ARL3: variants seen among roughly 807,000 people sequenced by gnomAD.
ARL3 encodes the protein ARF like GTPase 3.
ARL3 carries 9 observed loss-of-function variants against 26.0 expected under a neutral mutation model. The observed-to-expected ratio is 0.35, with a 90% CI of 0.21 to 0.60. The LOEUF (loss-of-function observed/expected upper bound fraction) is 0.60, where lower values mean the gene tolerates loss of function less well. ARL3 is among the 20% of genes least tolerant of loss of function. The pLI, the probability that ARL3 is intolerant of heterozygous loss-of-function variation, is 0.78. For missense variants in ARL3, 158 were observed against 215.7 expected (o/e 0.73, Z 1.67); for synonymous variants, 71 against 78.4 (o/e 0.91, Z 0.50).
intron 3 of ARL3, among the ~76,000 whole-genome samples, chr10:102,693,207 T>C (rs1037897521): frequency 9.2e-5 from 14 of 152,190 alleles, no homozygotes; most frequent in Non-Finnish European, 2.9e-5. Context: ...TGGGTATATA[T>C]CTTGGAGTAC....
At chr10:102,686,751 G>A (rs1404407722) in intron 4 of ARL3, among the ~76,000 whole-genome samples, 6 of 150,890 alleles carry the variant, frequency 4.0e-5, no homozygotes, top group Non-Finnish European at 7.4e-5. Context: ...GGTGTGAGCC[G>A]CCGTGCTCAG....
chr10:102,698,368 C>G (rs1227923450), intron 3 of ARL3, among the ~76,000 whole-genome samples: 1 of 152,122 alleles, frequency 6.6e-6, no homozygotes, highest in Non-Finnish European at 1.5e-5. Flanking sequence ...GCCACCACAC[C>G]TGGTCTAGAT....
At chr10:102,705,935 C>G (rs1404694434) in intron 1 of ARL3, among the ~76,000 whole-genome samples, 3 of 152,072 alleles carry the variant, frequency 2.0e-5, no homozygotes, top group Non-Finnish European at 4.4e-5. Flanking sequence ...CACTAGATAA[C>G]ACTTGTGGAA....
intron 3 of ARL3, among the ~76,000 whole-genome samples, chr10:102,696,371 T>C (rs1158316606): frequency 6.7e-6 from 1 of 150,032 alleles, no homozygotes; most frequent in African/African-American, 2.5e-5. Flanking sequence ...ATTCAAGCAA[T>C]TCTCTGCCTC....
At position 102,676,612 on chromosome 10, in the gene ARL3, A is replaced by G; in HGVS notation, c.*282T>C. ...TGCAATGCAATCTCTTGCTCATTTA[A>G]AAGATCTCATTTTCTAATCATGTGC... is the stretch of plus-strand genomic sequence containing the variant. On this transcript the variant is annotated 3_prime_UTR_variant, in exon 6 of 6. Coordinates refer to ENST00000260746, the MANE Select transcript of ARL3 (RefSeq NM_004311.4). 3.7e-6 allele frequency: 1 copy of G among 269,794 alleles called. No individual in the cohort carries two copies. The highest frequency in any genetic ancestry group is 7.0e-6 in the Non-Finnish European group (1 of 143,522). The allele number at this position is 269,794 out of a possible 1,614,324, so 16.7% of individuals were successfully genotyped here.
intron 1 of ARL3, among the ~76,000 whole-genome samples, chr10:102,709,552 C>T (rs2064327169): frequency 7.1e-6 from 1 of 141,194 alleles, no homozygotes; most frequent in African/African-American, 2.6e-5. Flanking sequence ...GAGGCTGAGA[C>T]AGAAGGATGG....
chr10:102,705,551 AT>A, intron 1 of ARL3, 62 bp from the exon 2 acceptor site: 1 of 1,412,568 alleles, frequency 7.1e-7, no homozygotes, highest in Non-Finnish European at 9.4e-7. Context: ...TTAACTGGAT[AT>A]GAGAATAACT....
chr10:102,680,267 T>C (rs1334822636), intron 5 of ARL3, among the ~76,000 whole-genome samples: 2 of 152,178 alleles, frequency 1.3e-5, no homozygotes, highest in South Asian at 4.1e-4. Flanking sequence ...TAAAAACTGG[T>C]TTGACCAATT....
intron 1 of ARL3, among the ~76,000 whole-genome samples, chr10:102,707,498 C>T (rs2064316062): frequency 6.6e-6 from 1 of 152,056 alleles, no homozygotes; most frequent in South Asian, 2.1e-4. Flanking sequence ...ATTTAATCTC[C>T]CAGCCCAAGA....
intron 5 of ARL3, among the ~76,000 whole-genome samples, chr10:102,680,814 C>G (rs533680687): frequency 6.6e-6 from 1 of 152,118 alleles, no homozygotes; most frequent in African/African-American, 2.4e-5. Context: ...GCAATGCAGC[C>G]TACCTCATTG....
intron 3 of ARL3, 103 bp downstream of exon 3, chr10:102,699,270 G>T: frequency 1.3e-6 from 1 of 787,030 alleles, no homozygotes. Context: ...AGTGATTAAT[G>T]TTATGGTGGT....
chr10:102,693,311 T>C (rs2064229544), intron 3 of ARL3, among the ~76,000 whole-genome samples: 1 of 152,182 alleles, frequency 6.6e-6, no homozygotes, highest in African/African-American at 2.4e-5. Context: ...CCACCAGCAA[T>C]GAAGAGGAGT....
intron 2 of ARL3, among the ~76,000 whole-genome samples, chr10:102,700,408 C>CAA (rs56041064): frequency 1.1e-5 from 1 of 89,478 alleles, no homozygotes; most frequent in Non-Finnish European, 2.0e-5. Flanking sequence ...GATTCCATCT[C>CAA]AAAAAAAAAA....
At position 102,708,908 on chromosome 10, in the gene ARL3, A is replaced by ATATATTTT; in HGVS notation, c.4-3420_4-3419insAAAATATA. Among the ~76,000 whole-genome samples, 24 of 95,320 alleles carry ATATATTTT rather than the reference A, an allele frequency of 2.5e-4. 1 individual carries two copies. Among genetic ancestry groups the ATATATTTT allele is most frequent in the South Asian group, 1.8e-3 (5 of 2,710 alleles). 62.5% of individuals were successfully genotyped at this position (95,320 alleles called of 152,430 possible). A position where few individuals can be genotyped will look rare whatever the true frequency, so the allele number is the denominator to read the frequency against. On this transcript the variant is annotated intron_variant, in intron 1 of 5. Transcript: ENST00000260746. Reference sequence around the variant, plus strand: ...ATATTATATATATATATATATATATATTTTTTTTTTTTTTGAGACAAGGTC... The same window carrying ATATATTTT: ...ATATTATATATATATATATATATATATATATTTTTTTTTTTTTTTTTTGAGACAAGGTC...
At chr10:102,677,195 C>T (rs1222023996) in intron 5 of ARL3, among the ~76,000 whole-genome samples, 2 of 152,164 alleles carry the variant, frequency 1.3e-5, no homozygotes, top group Non-Finnish European at 2.9e-5. Context: ...GAGATGGGTC[C>T]TCAGGAACTC....
At chr10:102,686,696 C>A (rs1395366550) in intron 4 of ARL3, among the ~76,000 whole-genome samples, 2 of 151,438 alleles carry the variant, frequency 1.3e-5, no homozygotes, top group African/African-American at 4.9e-5. Flanking sequence ...AACTCCTGGC[C>A]TCAAGTGATC....
intron 3 of ARL3, among the ~76,000 whole-genome samples, chr10:102,690,335 T>G (rs901060862): frequency 3.1e-4 from 46 of 148,018 alleles, no homozygotes; most frequent in Non-Finnish European, 1.6e-4. Context: ...CTTGCTCTGC[T>G]CTGTCACCCA....
rs2064116437 is a variant in ARL3, at chr10:102,673,829, T to A, written c.*3065A>T. On this transcript the variant is annotated 3_prime_UTR_variant, in exon 6 of 6. Transcript: ENST00000260746. Reference sequence around the variant, plus strand: ...CAAACACCACATCTCTTCCTTTGATTATCATTTTCAAAAGGGATTATAAAA... The same window carrying A: ...CAAACACCACATCTCTTCCTTTGATAATCATTTTCAAAAGGGATTATAAAA... The A allele has an allele frequency of 6.6e-6, 1 of 152,208 alleles. No homozygotes were observed. The allele number at this position is 152,208 out of a possible 1,614,324, so 9.4% of individuals were successfully genotyped here.
At chr10:102,689,329 G>A (rs1244257949) in intron 4 of ARL3, among the ~76,000 whole-genome samples, 1 of 151,874 alleles carries the variant, frequency 6.6e-6, no homozygotes, top group Non-Finnish European at 1.5e-5. Context: ...CCGTTTTGGA[G>A]GGGGGAAAAA....
Sources: allele counts gnomAD v4.1 joint callset (sites outside exome capture counted in the v4.1 genomes callset), GRCh38; gene constraint gnomAD v4.1.1; transcripts MANE v1.5; gene names NCBI Gene and HGNC (gene_info 2026-07-23, HGNC 2026-07-21).